The following DMD variants were observed in gnomAD, a reference collection of about 807,000 sequenced individuals.
DMD encodes the protein mutant dystrophin.
Under a neutral mutation model 330.1 loss-of-function variants are expected in DMD, and 63 were observed. The ratio of observed to expected loss-of-function variants is 0.19; its 90% CI spans 0.16 to 0.24. DMD has a LOEUF of 0.24. Among genes scored for constraint, DMD ranks in the 10% least tolerant of loss-of-function variants. DMD has a pLI of 1.00. For synonymous variants in DMD, 1,223 were observed against 959.8 expected, an observed-to-expected ratio of 1.27 and a Z score of -5.07; for missense variants, 3,344 against 2,684.1, an observed-to-expected ratio of 1.25 and a Z score of -5.43.
chrX:32,121,567 T>G (rs373347630), intron 44 of DMD, among the ~76,000 whole-genome samples: 7 of 98,051 alleles, frequency 7.1e-5, no homozygotes, highest in African/African-American at 2.6e-4. Flanking sequence ...AGTGGCTAAA[T>G]AACGTTTCCT....
chrX:31,949,716 G>C (rs1207919845), intron 45 of DMD, among the ~76,000 whole-genome samples: 1 of 110,901 alleles, frequency 9.0e-6, no homozygotes, highest in African/African-American at 3.3e-5. Context: ...CTATTCATAT[G>C]TCTATTTTTT....
At chrX:32,273,369 A>G (rs2097372713) in intron 43 of DMD, among the ~76,000 whole-genome samples, 1 of 110,745 alleles carries the variant, frequency 9.0e-6, no homozygotes, top group Non-Finnish European at 1.9e-5. Flanking sequence ...AGGTGGGAGG[A>G]TTACTTCATC....
intron 43 of DMD, among the ~76,000 whole-genome samples, chrX:32,275,165 G>C (rs1481907697): frequency 8.9e-6 from 1 of 111,899 alleles, no homozygotes; most frequent in Non-Finnish European, 1.9e-5. Flanking sequence ...ATAGAAGATA[G>C]TGTGTGGGAG....
At chrX:31,950,718 C>T (rs1339797840) in intron 45 of DMD, among the ~76,000 whole-genome samples, 1 of 110,175 alleles carries the variant, frequency 9.1e-6, no homozygotes, top group South Asian at 3.8e-4. Context: ...TTAATTGACC[C>T]CTTATATAAT....
chrX:31,171,292 G>A (rs774082531), intron 73 of DMD, among the ~76,000 whole-genome samples: 1 of 111,759 alleles, frequency 8.9e-6, no homozygotes, highest in South Asian at 3.8e-4. Context: ...TACCAGATGA[G>A]ATTATTTATT....
chrX:31,921,772 C>T (rs945409536), intron 47 of DMD, among the ~76,000 whole-genome samples: 3 of 111,837 alleles, frequency 2.7e-5, no homozygotes, highest in Non-Finnish European at 5.6e-5. Context: ...GATGTTATAA[C>T]TTAGGTATGG....
chrX:31,541,390 C>T lies in DMD; in HGVS notation c.8218-33937G>A, dbSNP rs182037611. Reference sequence around the variant, plus strand: ...TTCTAGGGCACATGTGCACAACGTGCGGGTTTGTTACATATGTATACATGT... The same window carrying T: ...TTCTAGGGCACATGTGCACAACGTGTGGGTTTGTTACATATGTATACATGT... On this transcript the variant is annotated intron_variant, in intron 55 of 78. Transcript: ENST00000357033. Among the ~76,000 whole-genome samples, 756 of 109,402 alleles carry T rather than the reference C, an allele frequency of 6.9e-3. 4 individuals are homozygous for T. Among genetic ancestry groups the T allele is most frequent in the African/African-American group, 0.024 (708 of 30,058 alleles).
At chrX:31,682,395 T>C (rs4829229) in intron 52 of DMD, among the ~76,000 whole-genome samples, 47,399 of 110,492 alleles carry the variant, frequency 0.43, 8,225 homozygotes, top group African/African-American at 0.63. Flanking sequence ...ATTGTTGTTG[T>C]TCCACTAGGT....
intron 1 of DMD, among the ~76,000 whole-genome samples, chrX:33,205,359 G>A (rs2051506047): frequency 8.9e-6 from 1 of 112,142 alleles, no homozygotes; most frequent in Admixed American, 9.5e-5. Flanking sequence ...GAAAATACGT[G>A]GGCCATTCTG....
chrX:31,701,675 C>T lies in DMD; in HGVS notation c.7661-22089G>A, dbSNP rs139261286. Among the ~76,000 whole-genome samples, 256 of 111,997 alleles carry T rather than the reference C, an allele frequency of 2.3e-3. 2 individuals are homozygous for T. Among genetic ancestry groups the T allele is most frequent in the African/African-American group, 7.7e-3 (238 of 30,843 alleles). ...TATTATTTCCTTTGGTCCTACACCC[C>T]ACCTGCGTCCCCTGATGGAAACCCT... On this transcript the variant is annotated intron_variant, in intron 52 of 78. Transcript: ENST00000357033.
chrX:32,370,804 A>G (rs749450711), intron 34 of DMD, among the ~76,000 whole-genome samples: 1 of 111,389 alleles, frequency 9.0e-6, no homozygotes, highest in Non-Finnish European at 1.9e-5. Flanking sequence ...AGTTATCCAG[A>G]TAATCTAGGA....
At chrX:33,300,334 A>C (rs2053644064) in intron 1 of DMD, among the ~76,000 whole-genome samples, 1 of 112,566 alleles carries the variant, frequency 8.9e-6, no homozygotes, top group Admixed American at 9.4e-5. Flanking sequence ...TTTAATGAAG[A>C]ACATATAATT....
intron 48 of DMD, among the ~76,000 whole-genome samples, chrX:31,840,549 CTTTTTTTTT>C (rs1207207240): frequency 2.6e-5 from 2 of 76,406 alleles, no homozygotes; most frequent in African/African-American, 1.0e-4. Context: ...GCAGATACTG[CTTTTTTTTT>C]TTTTTTTTTT....
intron 15 of DMD, among the ~76,000 whole-genome samples, chrX:32,570,639 G>A (rs2052311360): frequency 9.0e-6 from 1 of 111,601 alleles, no homozygotes; most frequent in African/African-American, 3.3e-5. Context: ...CCTGAGTCTG[G>A]ATGTCTTAGT....
chrX:31,139,735 G>T (rs2035805851), intron 76 of DMD, among the ~76,000 whole-genome samples: 1 of 110,581 alleles, frequency 9.0e-6, no homozygotes, highest in Admixed American at 9.6e-5. Context: ...AAGGATAAAA[G>T]ACTACACGTT....
rs2148071816 is a variant in DMD, at chrX:32,426,610, G to A, written c.4071+11631C>T. Among the ~76,000 whole-genome samples, 2 of 111,583 alleles carry A rather than the reference G, an allele frequency of 1.8e-5. 1 individual carries two copies. The highest frequency in any genetic ancestry group is 7.5e-4 in the South Asian group (2 of 2,659). ...GAACACAGCAACCCCATTACCGGGT[G>A]TATAGCCAAAGGAATACAAATTGTT... On this transcript the variant is annotated intron_variant, in intron 29 of 78. Transcript: ENST00000357033.
At chrX:32,305,953 C>A (rs950043617) in intron 42 of DMD, among the ~76,000 whole-genome samples, 1 of 110,892 alleles carries the variant, frequency 9.0e-6, no homozygotes, top group Non-Finnish European at 1.9e-5. Context: ...GCTCAAAGGT[C>A]ATTTCTACCC....
chrX:32,469,523 T>C (rs1427152081), intron 22 of DMD, among the ~76,000 whole-genome samples: 1 of 111,206 alleles, frequency 9.0e-6, no homozygotes, highest in Non-Finnish European at 1.9e-5. Flanking sequence ...ATTTGTCAAA[T>C]ATCTAAGTTT....
At chrX:31,489,905 T>C (rs773201406) in intron 57 of DMD, among the ~76,000 whole-genome samples, 1 of 111,938 alleles carries the variant, frequency 8.9e-6, no homozygotes, top group African/African-American at 3.2e-5. Flanking sequence ...AGAAGACTGG[T>C]AGAGAAGTCA....
Sources: gnomAD v4.1 joint callset for allele counts (sites outside exome capture counted in the v4.1 genomes callset) on GRCh38, gnomAD v4.1.1 for gene constraint, MANE v1.5 for transcripts, NCBI Gene and HGNC (gene_info 2026-07-23, HGNC 2026-07-21) for gene names.